Variants in MDGA2 observed in about 807,000 individuals in gnomAD.
The protein encoded by MDGA2 is MAM domain-containing glycosylphosphatidylinositol anchor protein 2.
Under a neutral mutation model 117.8 loss-of-function variants are expected in MDGA2, and 40 were observed. That is an observed-to-expected ratio of 0.34 (90% CI 0.26 to 0.44). The LOEUF (loss-of-function observed/expected upper bound fraction) is 0.44. Among genes scored for constraint, MDGA2 ranks in the 20% least tolerant of loss-of-function variants. The pLI, the probability that MDGA2 is intolerant of heterozygous loss-of-function variation, is 1.00. For missense variants in MDGA2, 1,123 were observed against 1,250.6 expected, an observed-to-expected ratio of 0.90 and a Z score of 1.54; for synonymous variants, 452 against 439.0, an observed-to-expected ratio of 1.03 and a Z score of -0.37.
At chr14:46,842,435 T>G (rs987410185) in intron 16 of MDGA2, among the ~76,000 whole-genome samples, 8 of 152,104 alleles carry the variant, frequency 5.3e-5, no homozygotes, top group Non-Finnish European at 7.4e-5. Context: ...AAATCTATCT[T>G]AATGAAAACT....
At chr14:46,965,788 C>G (rs1400625149) in intron 8 of MDGA2, among the ~76,000 whole-genome samples, 1 of 152,032 alleles carries the variant, frequency 6.6e-6, no homozygotes, top group Non-Finnish European at 1.5e-5. Flanking sequence ...AAAGTTAGAG[C>G]TCACTATTGT....
chr14:47,613,479 T>TCACACA (rs1555336468), intron 1 of MDGA2, among the ~76,000 whole-genome samples: 18 of 141,168 alleles, frequency 1.3e-4, no homozygotes, highest in African/African-American at 3.3e-4. Context: ...TCTCTCTCTC[T>TCACACA]CACACACACA....
At chr14:47,484,211 TTATGA>T (rs993211937) in intron 1 of MDGA2, among the ~76,000 whole-genome samples, 1 of 152,046 alleles carries the variant, frequency 6.6e-6, no homozygotes, top group Admixed American at 6.6e-5. Context: ...CATATCAGAA[TTATGA>T]TATAAAAATT....
intron 10 of MDGA2, among the ~76,000 whole-genome samples, chr14:46,906,334 C>T (rs1883490362): frequency 6.6e-6 from 1 of 151,818 alleles, no homozygotes; most frequent in Non-Finnish European, 1.5e-5. Flanking sequence ...CTGTGTGCTA[C>T]TAAATTCATA....
chr14:47,008,775 T>A (rs1887797724), intron 8 of MDGA2, among the ~76,000 whole-genome samples: 1 of 151,990 alleles, frequency 6.6e-6, no homozygotes, highest in Admixed American at 6.6e-5. Flanking sequence ...TACATATAAT[T>A]AACAATCATT....
intron 2 of MDGA2, among the ~76,000 whole-genome samples, chr14:47,277,862 A>T (rs777177548): frequency 6.6e-6 from 1 of 152,134 alleles, no homozygotes; most frequent in Non-Finnish European, 1.5e-5. Context: ...GTTTCCTGGA[A>T]ATGCTGATGG....
intron 5 of MDGA2, among the ~76,000 whole-genome samples, chr14:47,107,183 C>T (rs575395897): frequency 3.2e-4 from 49 of 151,832 alleles, no homozygotes; most frequent in South Asian, 1.5e-3. Flanking sequence ...TATCCCATCC[C>T]GCAGCACACT....
intron 4 of MDGA2, among the ~76,000 whole-genome samples, chr14:47,139,676 T>C (rs1451884469): frequency 6.6e-6 from 1 of 151,102 alleles, no homozygotes; most frequent in Admixed American, 6.6e-5. Context: ...TTTTTCATTA[T>C]AGAGTACACA....
intron 3 of MDGA2, among the ~76,000 whole-genome samples, chr14:47,162,709 A>G (rs1235891177): frequency 6.6e-6 from 1 of 152,110 alleles, no homozygotes; most frequent in Non-Finnish European, 1.5e-5. Flanking sequence ...CATAGGCTAT[A>G]TCCTCCAAGT....
At chr14:47,620,523 A>C (rs753436799) in intron 1 of MDGA2, among the ~76,000 whole-genome samples, 2 of 152,212 alleles carry the variant, frequency 1.3e-5, no homozygotes, top group Admixed American at 6.5e-5. Context: ...GTACAAATAT[A>C]CTTCTTCAAA....
intron 1 of MDGA2, among the ~76,000 whole-genome samples, chr14:47,610,748 G>A (rs148118887): frequency 2.4e-3 from 364 of 151,880 alleles, no homozygotes; most frequent in African/African-American, 8.3e-3. Context: ...TGTGAAGGAC[G>A]GGGAGAATCA....
chr14:47,157,763 G>A (rs960128914), intron 3 of MDGA2, among the ~76,000 whole-genome samples: 2 of 151,986 alleles, frequency 1.3e-5, no homozygotes, highest in African/African-American at 2.4e-5. Flanking sequence ...TGTCCACCAC[G>A]CTATTCTCGT....
At chr14:47,359,231 G>A (rs965331298) in intron 1 of MDGA2, among the ~76,000 whole-genome samples, 2 of 152,094 alleles carry the variant, frequency 1.3e-5, no homozygotes, top group Non-Finnish European at 2.9e-5. Flanking sequence ...GCACGCACCT[G>A]TAGTCCCAGC....
chr14:47,544,506 T>G (rs1260679797), intron 1 of MDGA2, among the ~76,000 whole-genome samples: 4 of 152,200 alleles, frequency 2.6e-5, no homozygotes, highest in African/African-American at 9.7e-5. Context: ...AATACTCCCC[T>G]CTCCAGCAAA....
intron 4 of MDGA2, among the ~76,000 whole-genome samples, chr14:47,132,495 G>A (rs1024701307): frequency 6.6e-6 from 1 of 151,818 alleles, no homozygotes; most frequent in Admixed American, 6.6e-5. Flanking sequence ...AGGTAAATCT[G>A]CACAACTGTA....
chr14:47,189,102 A>G (rs1885016549), intron 3 of MDGA2, among the ~76,000 whole-genome samples: 2 of 152,122 alleles, frequency 1.3e-5, no homozygotes, highest in African/African-American at 2.4e-5. Context: ...AAGAAGACAG[A>G]AGAGCCAACA....
chr14:47,063,582 A>G (rs1889972014), intron 6 of MDGA2, among the ~76,000 whole-genome samples: 1 of 152,000 alleles, frequency 6.6e-6, no homozygotes, highest in South Asian at 2.1e-4. Flanking sequence ...AGTATAAAAT[A>G]TATTTTCTGT....
At chr14:47,628,405 A>G (rs1438193212) in intron 1 of MDGA2, among the ~76,000 whole-genome samples, 3 of 152,240 alleles carry the variant, frequency 2.0e-5, no homozygotes, top group Admixed American at 6.5e-5. Context: ...GGCCTGGCAC[A>G]GTGACTGGCA....
At chr14:47,167,212 A>C (rs1377245891) in intron 3 of MDGA2, among the ~76,000 whole-genome samples, 1 of 152,056 alleles carries the variant, frequency 6.6e-6, no homozygotes, top group African/African-American at 2.4e-5. Context: ...AAGTTGATAC[A>C]TATTTTTTAA....
Sources: gnomAD v4.1 joint callset for allele counts (sites outside exome capture counted in the v4.1 genomes callset) on GRCh38, gnomAD v4.1.1 for gene constraint, MANE v1.5 for transcripts, NCBI Gene and HGNC (gene_info 2026-07-23, HGNC 2026-07-21) for gene names.